ZNF232: variants seen among roughly 807,000 people sequenced by gnomAD.
The protein encoded by ZNF232 is zinc finger protein 232.
A neutral mutation model predicts 25.2 loss-of-function variants in ZNF232; 25 were observed. The ratio of observed to expected loss-of-function variants is 0.99; its 90% CI spans 0.72 to 1.39. ZNF232 has a LOEUF of 1.39. ZNF232 is among the 40% of genes most tolerant of loss of function. The probability of loss-of-function intolerance (pLI) is 0.00; values close to 1 mark genes in which losing one functional copy is unlikely to be tolerated. For synonymous variants in ZNF232, 193 were observed against 182.9 expected, an observed-to-expected ratio of 1.06 and a Z score of -0.45; for missense variants, 519 against 520.9, an observed-to-expected ratio of 1.00 and a Z score of 0.04.
exon 2 of ZNF232, chr17:5,109,667 T>G: frequency 6.2e-7 from 1 of 1,614,190 alleles, no homozygotes; most frequent in Non-Finnish European, 8.5e-7. Context: ...GGAAGATCTC[T>G]TGACTGGTAG....
At chr17:5,122,510 G>A (rs1304060866) in intron 1 of ZNF232, among the ~76,000 whole-genome samples, 4 of 152,222 alleles carry the variant, frequency 2.6e-5, no homozygotes, top group South Asian at 2.1e-4. Flanking sequence ...CAAGCGGCCC[G>A]GCGGTCCTCT....
intron 3 of ZNF232, among the ~76,000 whole-genome samples, chr17:5,106,794 T>C (rs1053193351): frequency 3.9e-5 from 6 of 152,140 alleles, no homozygotes; most frequent in Admixed American, 3.9e-4. Flanking sequence ...GCAATTACAA[T>C]GCATGGTCTT....
chr17:5,110,612 A>G (rs1267759265), intron 1 of ZNF232, among the ~76,000 whole-genome samples: 1 of 152,202 alleles, frequency 6.6e-6, no homozygotes, highest in East Asian at 1.9e-4. Flanking sequence ...AGCTACAGCA[A>G]AAGAAAAATA....
chr17:5,117,637 T>C (rs2072566399), intron 1 of ZNF232, among the ~76,000 whole-genome samples: 1 of 152,012 alleles, frequency 6.6e-6, no homozygotes, highest in Admixed American at 6.5e-5. Flanking sequence ...GGGAAATCAC[T>C]GTGGAAATTT....
At chr17:5,106,241 A>G (rs764615000) in exon 4 of ZNF232, 7 of 1,614,260 alleles carry the variant, frequency 4.3e-6, no homozygotes, top group Non-Finnish European at 5.9e-6. Flanking sequence ...TACCACATTC[A>G]CTACATTCAT....
chr17:5,118,371 C>G (rs1039082839), intron 1 of ZNF232: 2 of 152,396 alleles, frequency 1.3e-5, no homozygotes, highest in African/African-American at 4.8e-5. Flanking sequence ...GTGACCAGAC[C>G]AGGCATGAGC....
At chr17:5,122,642 G>T (rs561407893) in intron 1 of ZNF232, among the ~76,000 whole-genome samples, 2 of 152,264 alleles carry the variant, frequency 1.3e-5, no homozygotes, top group African/African-American at 4.8e-5. Context: ...CGGCTGCAAC[G>T]CGTGTCTCCC....
At chr17:5,120,080 G>T (rs746690669) in intron 1 of ZNF232, among the ~76,000 whole-genome samples, 1 of 152,184 alleles carries the variant, frequency 6.6e-6, no homozygotes, top group Non-Finnish European at 1.5e-5. Context: ...CTTCTCAGCC[G>T]AGTTCTGTGC....
upstream of ZNF232, among the ~76,000 whole-genome samples, chr17:5,115,253 C>G (rs1206568412): frequency 3.3e-5 from 5 of 151,944 alleles, no homozygotes; most frequent in Non-Finnish European, 7.4e-5. Context: ...TGAGTTATTT[C>G]GAAACAAGGA....
At chr17:5,107,543 C>A (rs11653661) in intron 3 of ZNF232, among the ~76,000 whole-genome samples, 217 of 143,420 alleles carry the variant, frequency 1.5e-3, no homozygotes, top group South Asian at 9.5e-3. Context: ...GGTCATTTGA[C>A]TTTTTTTTTT....
At chr17:5,108,169 G>T (rs1344046393) in intron 3 of ZNF232, among the ~76,000 whole-genome samples, 4 of 120,640 alleles carry the variant, frequency 3.3e-5, no homozygotes, top group Non-Finnish European at 6.9e-5. Context: ...TGATAGTGAT[G>T]GGGGGGCAGT....
chr17:5,105,981 CCA>C lies in ZNF232; in HGVS notation c.1149_1150del (p.Cys383TrpfsTer5), dbSNP rs774470366. ...ATATGAGCTTTGACTAAAGGCCTTCCCACACTCATTACACTCATAGGGCTTCT... is the reference window on the plus strand; with the variant it reads ...ATATGAGCTTTGACTAAAGGCCTTCCCACTCATTACACTCATAGGGCTTCT... On this transcript the variant is annotated frameshift_variant, in exon 4 of 4. Coordinates refer to ENST00000575898, the Ensembl canonical transcript of ZNF232. LOFTEE classifies it low-confidence loss of function (END_TRUNC). 39 of 1,614,034 alleles carry C rather than the reference CCA, an allele frequency of 2.4e-5. No homozygotes were observed. Among genetic ancestry groups the C allele is most frequent in the Admixed American group, 3.3e-5 (2 of 60,002 alleles).
At chr17:5,110,705 G>A (rs1041617175) in intron 1 of ZNF232, among the ~76,000 whole-genome samples, 6 of 152,164 alleles carry the variant, frequency 3.9e-5, no homozygotes, top group African/African-American at 1.4e-4. Context: ...CGGGTACAGT[G>A]GCCTGCGTCA....
chr17:5,112,642 C>T (rs1293189070), upstream of ZNF232, among the ~76,000 whole-genome samples: 3 of 150,734 alleles, frequency 2.0e-5, no homozygotes, highest in Non-Finnish European at 2.9e-5. Context: ...GTAGGAGACA[C>T]GGCGTTTCAC....
At chr17:5,120,763 A>T in intron 1 of ZNF232, 1 of 444,224 alleles carries the variant, frequency 2.3e-6, no homozygotes, top group Non-Finnish European at 4.5e-6. Flanking sequence ...AGCTACAAGG[A>T]TGCCAAGGGC....
chr17:5,118,899 G>A (rs1356086017), intron 1 of ZNF232, among the ~76,000 whole-genome samples: 1 of 152,192 alleles, frequency 6.6e-6, no homozygotes, highest in African/African-American at 2.4e-5. Flanking sequence ...GCAGCCATAG[G>A]TATTTTTGGA....
At position 5,109,382 on chromosome 17, in the gene ZNF232, C is replaced by G. The variant is rs931954192; in HGVS notation, c.498+12G>C. 19 of 1,613,986 alleles carry G rather than the reference C, an allele frequency of 1.2e-5. No individual in the cohort carries two copies. The highest frequency in any genetic ancestry group is 2.7e-5 in the African/African-American group (2 of 74,934). ...ATCTGGCTCCCATAACAGACCAAAT[C>G]CCCCTTCCCACCTGCGGCTCTGGTT... On this transcript the variant is annotated intron_variant, in intron 2 of 3. Transcript: ENST00000575898.
At chr17:5,109,555 G>C in exon 2 of ZNF232, 6 of 1,614,196 alleles carry the variant, frequency 3.7e-6, no homozygotes, top group Non-Finnish European at 5.1e-6. Context: ...TCCTTCGTGT[G>C]TTTCTCTGGC....
At chr17:5,118,522 GT>G (rs1276173811) in intron 1 of ZNF232, among the ~76,000 whole-genome samples, 2 of 152,256 alleles carry the variant, frequency 1.3e-5, no homozygotes, top group Non-Finnish European at 2.9e-5. Context: ...TAGCGCCACT[GT>G]TTGAGGATGG....
Sources: allele counts gnomAD v4.1 joint callset (sites outside exome capture counted in the v4.1 genomes callset), GRCh38; gene constraint gnomAD v4.1.1; transcripts MANE v1.5; gene names NCBI Gene and HGNC (gene_info 2026-07-23, HGNC 2026-07-21).